Variants in CACNA1A observed in about 807,000 individuals in gnomAD.
CACNA1A encodes the protein calcium voltage-gated channel subunit alpha1 A, also known as voltage-dependent P/Q-type calcium channel subunit alpha-1A.
In CACNA1A, 57 loss-of-function variants were observed where a neutral mutation model predicts 262.4. The observed-to-expected ratio is 0.22, with a 90% CI of 0.18 to 0.27. The LOEUF (loss-of-function observed/expected upper bound fraction) is 0.27, where lower values mean the gene tolerates loss of function less well. Ranked by LOEUF, CACNA1A falls within the 10% of genes least tolerant of loss-of-function variation. CACNA1A has a pLI of 1.00. For missense variants in CACNA1A, 2,526 were observed against 3,562.8 expected (o/e 0.71, Z 7.41); for synonymous variants, 1,431 against 1,419.3 (o/e 1.01, Z -0.18).
At chr19:13,408,194 C>A (rs1288770226) in intron 3 of CACNA1A, among the ~76,000 whole-genome samples, 1 of 151,996 alleles carries the variant, frequency 6.6e-6, no homozygotes, top group Non-Finnish European at 1.5e-5. Context: ...ATGGCAAAAC[C>A]CCGTCTCTAC....
chr19:13,279,223 A>G (rs1048020789), intron 22 of CACNA1A, among the ~76,000 whole-genome samples: 2 of 152,154 alleles, frequency 1.3e-5, no homozygotes, highest in Non-Finnish European at 2.9e-5. Flanking sequence ...AAATCAAAAG[A>G]CCAATAAATT....
intron 38 of CACNA1A, among the ~76,000 whole-genome samples, chr19:13,219,405 G>A (rs544175025): frequency 6.7e-4 from 102 of 152,226 alleles, no homozygotes; most frequent in Non-Finnish European, 1.2e-3. Context: ...ACTTTTCTCA[G>A]TTCTGAGTTC....
At chr19:13,247,166 G>A (rs1344792553) in intron 30 of CACNA1A, among the ~76,000 whole-genome samples, 1 of 152,220 alleles carries the variant, frequency 6.6e-6, no homozygotes, top group African/African-American at 2.4e-5. Flanking sequence ...GCAGAGGCCA[G>A]GTCAGGGGTT....
At chr19:13,386,741 C>T (rs1599343155) in intron 3 of CACNA1A, among the ~76,000 whole-genome samples, 1 of 151,744 alleles carries the variant, frequency 6.6e-6, no homozygotes, top group Non-Finnish European at 1.5e-5. Context: ...TGCAGTGAGC[C>T]GAGATCATGC....
intron 32 of CACNA1A, 104 bp from the exon 33 acceptor site, chr19:13,235,378 T>C: frequency 8.9e-7 from 1 of 1,118,606 alleles, no homozygotes; most frequent in Non-Finnish European, 1.3e-6. Flanking sequence ...GGTGGCCATA[T>C]GCCACGTGCC....
intron 29 of CACNA1A, among the ~76,000 whole-genome samples, chr19:13,253,883 G>A (rs1420819938): frequency 1.3e-5 from 2 of 152,032 alleles, no homozygotes; most frequent in African/African-American, 4.8e-5. Context: ...GGTATTATAG[G>A]CATGCGCCAC....
chr19:13,271,807 AG>A (rs1368468337), intron 24 of CACNA1A: 1 of 144,346 alleles, frequency 6.9e-6, no homozygotes, highest in Non-Finnish European at 1.5e-5. Context: ...TCTGTTGCCC[AG>A]GCTGGAGTGC....
At chr19:13,457,617 G>A (rs1049624221) in intron 1 of CACNA1A, among the ~76,000 whole-genome samples, 7 of 152,160 alleles carry the variant, frequency 4.6e-5, no homozygotes, top group Non-Finnish European at 2.9e-5. Context: ...TTGGAAGGCC[G>A]AGGCAGGCAG....
intron 19 of CACNA1A, among the ~76,000 whole-genome samples, chr19:13,295,644 G>A (rs1375775665): frequency 6.6e-6 from 1 of 151,708 alleles, no homozygotes; most frequent in African/African-American, 2.4e-5. Context: ...GGCACCTGCC[G>A]CCACACCTGG....
chr19:13,285,449 A>G (rs1263356180), intron 20 of CACNA1A, among the ~76,000 whole-genome samples: 2 of 152,164 alleles, frequency 1.3e-5, no homozygotes, highest in Non-Finnish European at 2.9e-5. Flanking sequence ...CTAAGGTCAC[A>G]CAGCAGGAAG....
chr19:13,320,519 C>A (rs2145067619), intron 10 of CACNA1A, among the ~76,000 whole-genome samples: 2 of 152,326 alleles, frequency 1.3e-5, no homozygotes, highest in Middle Eastern at 6.8e-3. Flanking sequence ...GAGCTGAAAT[C>A]ATGACTAGGT....
chr19:13,333,170 G>GC (rs1174023581), intron 8 of CACNA1A, among the ~76,000 whole-genome samples: 19 of 152,076 alleles, frequency 1.2e-4, no homozygotes, highest in African/African-American at 4.6e-4. Context: ...CAGCCTATAA[G>GC]CCCCTGCTTG....
Position 13,303,057 on chromosome 19 carries a change from C to T in CACNA1A, c.2172+489G>A, listed in dbSNP as rs1354322296. ...GCGTTTGGCTAAGGGGAGGCTCCAG[C>T]GGGAAGCCAGAGGAAGAGAGAAGGT... On this transcript the variant is annotated intron_variant, in intron 17 of 46. Coordinates refer to ENST00000360228, the MANE Select transcript of CACNA1A (RefSeq NM_001127222.2). Among the ~76,000 whole-genome samples, 13 of 152,150 alleles carry T rather than the reference C, an allele frequency of 8.5e-5. No individual in the cohort carries two copies. In the South Asian group the frequency reaches 1.9e-3, roughly 22 times the overall value.
chr19:13,350,024 G>A (rs2145207474), intron 6 of CACNA1A, among the ~76,000 whole-genome samples: 1 of 152,316 alleles, frequency 6.6e-6, no homozygotes, highest in Non-Finnish European at 1.5e-5. Context: ...GTTGATGGAG[G>A]TTTGTTTTGT....
chr19:13,351,730 G>C lies in CACNA1A; in HGVS notation c.978+7876C>G, dbSNP rs563918812. Among the ~76,000 whole-genome samples, 8 of 152,100 alleles carry C rather than the reference G, an allele frequency of 5.3e-5. No homozygotes were observed. The South Asian group carries it at 8.3e-4, about 16-fold the overall frequency. ...TCACCCTGTTGGCCAGGCTGGTCTC[G>C]AATTCCTGACCTCGTGATCCACCCG... On this transcript the variant is annotated intron_variant, in intron 6 of 46. Coordinates refer to ENST00000360228, the MANE Select transcript of CACNA1A (RefSeq NM_001127222.2).
intron 16 of CACNA1A, 46 bp from the exon 17 acceptor site, chr19:13,303,659 C>T (rs767377573): frequency 6.3e-7 from 1 of 1,594,282 alleles, no homozygotes; most frequent in South Asian, 1.1e-5. Flanking sequence ...TGGGACACCA[C>T]TTGGGCCCTG....
At chr19:13,491,958 C>A (rs1980942422) in intron 1 of CACNA1A, among the ~76,000 whole-genome samples, 2 of 152,108 alleles carry the variant, frequency 1.3e-5, no homozygotes, top group Admixed American at 1.3e-4. Context: ...TATTTGGCAC[C>A]CACTGTGTGT....
chr19:13,211,625 AGTGTGTATATGCCCACGT>A (rs1393350832), intron 43 of CACNA1A: 1 of 171,890 alleles, frequency 5.8e-6, no homozygotes, highest in East Asian at 1.6e-4. Context: ...GTACATGTGC[AGTGTGTATATGCCCACGT>A]GCACACACGT....
chr19:13,271,570 C>A (rs1568481754), intron 24 of CACNA1A: 1 of 152,084 alleles, frequency 6.6e-6, no homozygotes, highest in African/African-American at 2.4e-5. Context: ...TTCGCTTTTG[C>A]AGATTAGCTT....
Sources: allele counts gnomAD v4.1 joint callset (sites outside exome capture counted in the v4.1 genomes callset), GRCh38; gene constraint gnomAD v4.1.1; transcripts MANE v1.5; gene names NCBI Gene and HGNC (gene_info 2026-07-23, HGNC 2026-07-21).